The following SPRR2G variants were observed in gnomAD, a reference collection of about 807,000 sequenced individuals.
SPRR2G encodes small proline rich protein 2G.
Under a neutral mutation model 0.7 loss-of-function variants are expected in SPRR2G, and 1 was observed. The ratio of observed to expected loss-of-function variants is 1.49; its 90% CI spans 0.53 to 7.06. SPRR2G has a LOEUF of 7.06. Among genes scored for constraint, SPRR2G ranks in the 30% most tolerant of loss-of-function variants. The pLI is 0.14. For missense variants in SPRR2G, 96 were observed against 88.5 expected, an observed-to-expected ratio of 1.09 and a Z score of -0.34; for synonymous variants, 38 against 33.9, an observed-to-expected ratio of 1.12 and a Z score of -0.42.
chr1:153,153,935 G>A (rs530085649), upstream of SPRR2G, among the ~76,000 whole-genome samples: 98 of 152,056 alleles, frequency 6.4e-4, no homozygotes, highest in Non-Finnish European at 1.2e-3. Context: ...TTTCACCCTC[G>A]AATATATTAG....
At chr1:153,203,150 T>C in the SPRR2G span, among the ~76,000 whole-genome samples, 2 of 152,094 alleles carry the variant, frequency 1.3e-5, no homozygotes, top group African/African-American at 4.8e-5. Context: ...CTGGAGACCA[T>C]GTGTCAACAG....
the SPRR2G span, among the ~76,000 whole-genome samples, chr1:153,168,497 T>G: frequency 1.3e-5 from 2 of 152,214 alleles, no homozygotes; most frequent in Non-Finnish European, 2.9e-5. Context: ...TGGTTTTGAC[T>G]GTTATTATTT....
chr1:153,183,862 T>G, the SPRR2G span, among the ~76,000 whole-genome samples: 2 of 152,248 alleles, frequency 1.3e-5, no homozygotes, highest in Non-Finnish European at 2.9e-5. Flanking sequence ...GATTTTACAT[T>G]TAAGTCTTTA....
At chr1:153,156,581 G>A in the SPRR2G span, among the ~76,000 whole-genome samples, 1,299 of 152,114 alleles carry the variant, frequency 8.5e-3, 24 homozygotes, top group African/African-American at 0.029. Context: ...TTAAATACGC[G>A]CTGTTTTCCC....
At chr1:153,200,700 AT>A in the SPRR2G span, among the ~76,000 whole-genome samples, 72,287 of 138,182 alleles carry the variant, frequency 0.52, 18,780 homozygotes, top group East Asian at 0.69. Flanking sequence ...TGAAAGCAGG[AT>A]TTTTTTTTTT....
the SPRR2G span, among the ~76,000 whole-genome samples, chr1:153,186,425 T>A: frequency 1.3e-5 from 2 of 152,240 alleles, no homozygotes; most frequent in Non-Finnish European, 2.9e-5. Flanking sequence ...ATATTTAGGA[T>A]AGTTAGCTCT....
At chr1:153,184,106 G>C in the SPRR2G span, among the ~76,000 whole-genome samples, 10 of 152,202 alleles carry the variant, frequency 6.6e-5, no homozygotes, top group South Asian at 6.2e-4. Flanking sequence ...GTACCATGCT[G>C]TTTTGGTTAC....
At chr1:153,157,538 G>C in the SPRR2G span, among the ~76,000 whole-genome samples, 1 of 152,050 alleles carries the variant, frequency 6.6e-6, no homozygotes, top group African/African-American at 2.4e-5. Flanking sequence ...ACATCTGGAT[G>C]AATCTAGACA....
At chr1:153,171,187 G>C in the SPRR2G span, among the ~76,000 whole-genome samples, 5 of 152,070 alleles carry the variant, frequency 3.3e-5, no homozygotes, top group South Asian at 6.2e-4. Context: ...AATTTTCCCA[G>C]GCAATTAGTT....
the SPRR2G span, chr1:153,191,372 C>G: frequency 2.0e-5 from 3 of 152,334 alleles, no homozygotes; most frequent in Admixed American, 2.0e-4. Context: ...ACCCCAGAGA[C>G]AGTTATTACT....
At chr1:153,177,918 G>A in the SPRR2G span, among the ~76,000 whole-genome samples, 1 of 151,220 alleles carries the variant, frequency 6.6e-6, no homozygotes, top group African/African-American at 2.4e-5. Flanking sequence ...GGAATAAATA[G>A]ATCAATTTAA....
chr1:153,194,525 T>C, the SPRR2G span, among the ~76,000 whole-genome samples: 2 of 152,188 alleles, frequency 1.3e-5, no homozygotes, highest in African/African-American at 4.8e-5. Flanking sequence ...TCCCACTCTC[T>C]GGAACTTTTG....
At chr1:153,191,105 C>T in the SPRR2G span, 2 of 152,274 alleles carry the variant, frequency 1.3e-5, no homozygotes, top group Non-Finnish European at 2.9e-5. Flanking sequence ...TTCTTTTTCC[C>T]TCTGGTTGCC....
the SPRR2G span, among the ~76,000 whole-genome samples, chr1:153,201,831 TC>T: frequency 2.0e-5 from 3 of 152,196 alleles, no homozygotes. Context: ...GCCTCAGGTC[TC>T]CCCAGTGGCC....
At chr1:153,173,245 G>A in the SPRR2G span, among the ~76,000 whole-genome samples, 1 of 152,192 alleles carries the variant, frequency 6.6e-6, no homozygotes, top group Non-Finnish European at 1.5e-5. Context: ...AAGGCCTTGG[G>A]ACAGAACATG....
At chr1:153,194,179 GA>G in the SPRR2G span, among the ~76,000 whole-genome samples, 5 of 149,056 alleles carry the variant, frequency 3.4e-5, no homozygotes, top group African/African-American at 1.2e-4. Context: ...TTAACCTCCT[GA>G]AAAAAAAAGA....
chr1:153,164,464 A>G, the SPRR2G span, among the ~76,000 whole-genome samples: 29 of 152,342 alleles, frequency 1.9e-4, no homozygotes, highest in African/African-American at 6.5e-4. Context: ...AGAGGGGAGA[A>G]GGAAGTAAGT....
chr1:153,186,311 G>C, the SPRR2G span, among the ~76,000 whole-genome samples: 4 of 152,042 alleles, frequency 2.6e-5, no homozygotes, highest in Non-Finnish European at 4.4e-5. Context: ...ACTGATAGTG[G>C]GGTGTTAAAG....
At chr1:153,183,900 G>A in the SPRR2G span, among the ~76,000 whole-genome samples, 1 of 152,148 alleles carries the variant, frequency 6.6e-6, no homozygotes, top group African/African-American at 2.4e-5. Context: ...TTTTGTATAA[G>A]GTGTAAGGAA....
Sources: allele counts gnomAD v4.1 joint callset (sites outside exome capture counted in the v4.1 genomes callset), GRCh38; gene constraint gnomAD v4.1.1; transcripts MANE v1.5; gene names NCBI Gene and HGNC (gene_info 2026-07-23, HGNC 2026-07-21).